BANP: variants seen among roughly 807,000 people sequenced by gnomAD.
BANP encodes the protein BTG3 associated nuclear protein.
In BANP, 11 loss-of-function variants were observed where a neutral mutation model predicts 68.1. That is an observed-to-expected ratio of 0.16 (90% CI 0.10 to 0.27). The LOEUF (loss-of-function observed/expected upper bound fraction) is 0.27. Among genes scored for constraint, BANP ranks in the 10% least tolerant of loss-of-function variants. The pLI is 1.00. For missense variants in BANP, 504 were observed against 722.7 expected (o/e 0.70, Z 3.47); for synonymous variants, 329 against 303.2 (o/e 1.09, Z -0.88).
chr16:88,009,468 T>G (rs560473500), intron 6 of BANP, among the ~76,000 whole-genome samples: 1 of 152,364 alleles, frequency 6.6e-6, no homozygotes, highest in East Asian at 1.9e-4. Flanking sequence ...ACATGCTGTT[T>G]TGTATCAAAT....
intron 1 of BANP, among the ~76,000 whole-genome samples, chr16:87,951,968 C>T (rs1020348469): frequency 2.9e-4 from 44 of 152,268 alleles, no homozygotes; most frequent in African/African-American, 1.0e-3. Flanking sequence ...CGTTTTTGTG[C>T]CTCCTCCGTG....
At chr16:87,962,608 G>T (rs1251803666) in intron 1 of BANP, among the ~76,000 whole-genome samples, 1 of 152,164 alleles carries the variant, frequency 6.6e-6, no homozygotes, top group Admixed American at 6.5e-5. Flanking sequence ...ATATATTCAG[G>T]TTTGGAATTT....
At chr16:88,037,170 C>T (rs1567832384) in intron 10 of BANP, 2 of 152,156 alleles carry the variant, frequency 1.3e-5, no homozygotes, top group African/African-American at 2.4e-5. Context: ...AAAAAAACAA[C>T]ACACATTTGC....
At chr16:88,055,370 G>A (rs192419412) in intron 11 of BANP, among the ~76,000 whole-genome samples, 80 of 152,108 alleles carry the variant, frequency 5.3e-4, no homozygotes, top group Non-Finnish European at 7.9e-4. Context: ...AAGCAGTGAC[G>A]GATCCAGGGC....
At chr16:88,012,175 G>A (rs1372286938) in intron 6 of BANP, among the ~76,000 whole-genome samples, 4 of 152,210 alleles carry the variant, frequency 2.6e-5, no homozygotes, top group Admixed American at 2.0e-4. Flanking sequence ...ACGTCCTGGC[G>A]CTGGAAGCAT....
At chr16:88,022,485 A>G (rs1292372566) in intron 7 of BANP, among the ~76,000 whole-genome samples, 1 of 152,214 alleles carries the variant, frequency 6.6e-6, no homozygotes, top group Admixed American at 6.5e-5. Context: ...TTCTTTTCAA[A>G]TCATTCACTC....
chr16:88,028,548 C>A (rs950590353), intron 8 of BANP, among the ~76,000 whole-genome samples: 11 of 152,220 alleles, frequency 7.2e-5, no homozygotes, highest in Non-Finnish European at 1.3e-4. Context: ...GTGGGCCACA[C>A]AAGTTGTGTC....
chr16:87,955,337 G>T (rs1027729044), intron 1 of BANP, among the ~76,000 whole-genome samples: 1 of 152,196 alleles, frequency 6.6e-6, no homozygotes, highest in Non-Finnish European at 1.5e-5. Context: ...CCAGGTTCTC[G>T]TGCAGAATCA....
intron 1 of BANP, among the ~76,000 whole-genome samples, chr16:87,954,265 CTTGT>C (rs1239179861): frequency 6.6e-6 from 1 of 152,144 alleles, no homozygotes; most frequent in Non-Finnish European, 1.5e-5. Context: ...ATGTATTTGT[CTTGT>C]TTCTTTTTCA....
intron 11 of BANP, among the ~76,000 whole-genome samples, chr16:88,053,302 A>G (rs141455724): frequency 6.6e-6 from 1 of 151,538 alleles, no homozygotes; most frequent in African/African-American, 2.4e-5. Flanking sequence ...CCCCTTCACC[A>G]CCACCACCAC....
At chr16:88,053,968 C>A (rs2084168408) in intron 11 of BANP, among the ~76,000 whole-genome samples, 1 of 87,610 alleles carries the variant, frequency 1.1e-5, no homozygotes, top group Admixed American at 1.1e-4. Context: ...AACAGCCACT[C>A]CCACCTCCTT....
chr16:88,051,126 G>A (rs939615031), intron 11 of BANP, among the ~76,000 whole-genome samples: 7 of 152,222 alleles, frequency 4.6e-5, no homozygotes, highest in African/African-American at 9.6e-5. Flanking sequence ...CGCAGCACCC[G>A]GGTCCCTCCC....
Position 88,003,678 on chromosome 16 carries a change from G to A in BANP, c.363-617G>A, listed in dbSNP as rs1008972971. The A allele has an allele frequency of 1.9e-5, 7 of 363,722 alleles. No individual in the cohort carries two copies. The highest frequency in any genetic ancestry group is 1.3e-4 in the African/African-American group (6 of 46,752). The allele number at this position is 363,722 out of a possible 1,614,324, so 22.5% of individuals were successfully genotyped here. A position where few individuals can be genotyped will look rare whatever the true frequency, so the allele number is the denominator to read the frequency against. On this transcript the variant is annotated intron_variant, in intron 4 of 13. Transcript: ENST00000682872. The surrounding 1 kb of genome is among the most constrained non-coding windows in gnomAD (Gnocchi z 6.1). ...TTTCTGGGCCATGGTCTGTTCTTTT[G>A]TAGAATCTTTTCCTTCAAAGCAGAA... is the stretch of plus-strand genomic sequence containing the variant.
Position 88,068,451 on chromosome 16 carries a change from G to A in BANP, c.1377+3119G>A, listed in dbSNP as rs138573706. 5.0e-3 allele frequency among the ~76,000 whole-genome samples: 769 copies of A among 152,324 alleles called. 3 individuals carry two copies. Among genetic ancestry groups the A allele is most frequent in the Non-Finnish European group, 8.9e-3 (607 of 68,024 alleles). ...TGGTGGGAATAGTTGAGAAACGCTG[G>A]TTCAGGCAGCTTGCTTTATTCACAG... is the stretch of plus-strand genomic sequence containing the variant. On this transcript the variant is annotated intron_variant, in intron 12 of 13. Transcript: ENST00000682872.
At chr16:88,023,103 A>G (rs529350587) in intron 7 of BANP, among the ~76,000 whole-genome samples, 4 of 152,264 alleles carry the variant, frequency 2.6e-5, no homozygotes, top group Admixed American at 2.6e-4. Flanking sequence ...TGTGGACTCC[A>G]TGCAGGGGTG....
upstream of BANP, among the ~76,000 whole-genome samples, chr16:87,950,032 C>G (rs1314724704): frequency 6.6e-6 from 1 of 152,080 alleles, no homozygotes; most frequent in Non-Finnish European, 1.5e-5. Context: ...CGCCTGCCAC[C>G]GCGCCGGGCT....
intron 11 of BANP, among the ~76,000 whole-genome samples, chr16:88,040,532 C>G (rs530826349): frequency 6.7e-6 from 1 of 150,362 alleles, no homozygotes; most frequent in Admixed American, 6.6e-5. Context: ...CTCTCCTCCC[C>G]GTCCCCGTGC....
At chr16:88,046,206 C>T (rs1413211417) in intron 11 of BANP, among the ~76,000 whole-genome samples, 1 of 152,222 alleles carries the variant, frequency 6.6e-6, no homozygotes, top group Non-Finnish European at 1.5e-5. Context: ...GTGGGCCTTT[C>T]ACTTCTGCCT....
At chr16:88,052,650 C>T (rs970347005) in intron 11 of BANP, among the ~76,000 whole-genome samples, 2 of 151,828 alleles carry the variant, frequency 1.3e-5, no homozygotes, top group African/African-American at 2.4e-5. Flanking sequence ...TAATTGCCAC[C>T]ATCATCACAA....
Sources: gnomAD v4.1 joint callset for allele counts (sites outside exome capture counted in the v4.1 genomes callset) on GRCh38, gnomAD v4.1.1 for gene constraint, Gnocchi (gnomAD v3.1) non-coding constraint, MANE v1.5 for transcripts, NCBI Gene and HGNC (gene_info 2026-07-23, HGNC 2026-07-21) for gene names.